SAMD5: variants seen among roughly 807,000 people sequenced by gnomAD.
SAMD5 encodes the protein sterile alpha motif domain-containing protein 5.
A neutral mutation model predicts 11.3 loss-of-function variants in SAMD5; 13 were observed. The observed-to-expected ratio is 1.15, with a 90% confidence interval of 0.75 to 1.83. SAMD5 has a LOEUF of 1.83. SAMD5 is among the 40% of genes most tolerant of loss of function. The pLI is 0.00. For synonymous variants in SAMD5, 129 were observed against 111.3 expected (o/e 1.16, Z -1.00); for missense variants, 255 against 239.1 (o/e 1.07, Z -0.44).
downstream of SAMD5, among the ~76,000 whole-genome samples, chr6:147,571,982 C>CTTT (rs143834984): frequency 7.8e-6 from 1 of 128,396 alleles, no homozygotes; most frequent in Non-Finnish European, 1.6e-5. Context: ...GTAATTTCAA[C>CTTT]TTTTTTTTTT....
At chr6:147,936,525 G>A in the SAMD5 span, among the ~76,000 whole-genome samples, 1 of 152,030 alleles carries the variant, frequency 6.6e-6, no homozygotes, top group African/African-American at 2.4e-5. Context: ...ACAGCACCAA[G>A]GGGATAGTGC....
At chr6:147,877,901 A>G in the SAMD5 span, among the ~76,000 whole-genome samples, 1 of 88,316 alleles carries the variant, frequency 1.1e-5, no homozygotes, top group Non-Finnish European at 2.4e-5. Flanking sequence ...ATAGCTAGAT[A>G]GATAGATAGC....
the SAMD5 span, among the ~76,000 whole-genome samples, chr6:147,753,954 T>TGGAC: frequency 2.0e-5 from 3 of 152,224 alleles, no homozygotes; most frequent in South Asian, 6.2e-4. Flanking sequence ...CATCTGCTGA[T>TGGAC]GGACACTCAG....
At chr6:147,527,159 G>A (rs936397367) in intron 1 of SAMD5, among the ~76,000 whole-genome samples, 6 of 152,264 alleles carry the variant, frequency 3.9e-5, no homozygotes, top group Non-Finnish European at 5.9e-5. Context: ...ACATAACTCA[G>A]TGTACTAGTC....
At chr6:147,886,790 G>A in the SAMD5 span, among the ~76,000 whole-genome samples, 12 of 152,304 alleles carry the variant, frequency 7.9e-5, no homozygotes, top group South Asian at 2.5e-3. Flanking sequence ...CACATGACAG[G>A]AAGCTGTGAA....
the SAMD5 span, among the ~76,000 whole-genome samples, chr6:147,803,381 C>G: frequency 6.6e-6 from 1 of 152,142 alleles, no homozygotes; most frequent in Admixed American, 6.6e-5. Flanking sequence ...TCGTCTCTCA[C>G]CTGGACATCA....
chr6:147,772,843 A>G, the SAMD5 span, among the ~76,000 whole-genome samples: 102 of 152,316 alleles, frequency 6.7e-4, 1 homozygote, highest in African/African-American at 2.3e-3. Context: ...GCTTCAACAT[A>G]TGAGTTTGGG....
chr6:147,561,687 A>G (rs1275710847), intron 1 of SAMD5, among the ~76,000 whole-genome samples: 2 of 152,158 alleles, frequency 1.3e-5, no homozygotes, highest in Admixed American at 6.5e-5. Flanking sequence ...AATGTGTGAT[A>G]CGTATGGGGA....
At chr6:147,805,044 A>G in the SAMD5 span, among the ~76,000 whole-genome samples, 2 of 152,272 alleles carry the variant, frequency 1.3e-5, no homozygotes, top group South Asian at 2.1e-4. Flanking sequence ...GAACTGAAAC[A>G]TAGACCTTAG....
chr6:147,511,558 CT>C (rs1358612480), intron 1 of SAMD5, among the ~76,000 whole-genome samples: 1 of 151,820 alleles, frequency 6.6e-6, no homozygotes, highest in African/African-American at 2.4e-5. Flanking sequence ...TCTCCTCAAA[CT>C]GATGGAAGAA....
chr6:147,551,801 TTATATATATGTTATATATATATATATA>T (rs1426228161), intron 1 of SAMD5, among the ~76,000 whole-genome samples: 6 of 128,388 alleles, frequency 4.7e-5, no homozygotes, highest in African/African-American at 1.5e-4. Context: ...AATGTGATTC[TTATATATATGTTATATATATATATATA>T]TATATATATG....
intron 1 of SAMD5, among the ~76,000 whole-genome samples, chr6:147,705,061 T>C (rs987415138): frequency 6.6e-6 from 1 of 152,090 alleles, no homozygotes; most frequent in African/African-American, 2.4e-5. Flanking sequence ...ATGTTAGAAT[T>C]CTCCCCACTA....
At chr6:147,905,062 AT>A in the SAMD5 span, among the ~76,000 whole-genome samples, 1 of 151,604 alleles carries the variant, frequency 6.6e-6, no homozygotes, top group Non-Finnish European at 1.5e-5. Context: ...CTAATTTTTT[AT>A]TTTTAGTCGA....
At chr6:147,893,767 A>G in the SAMD5 span, among the ~76,000 whole-genome samples, 4 of 152,272 alleles carry the variant, frequency 2.6e-5, no homozygotes, top group East Asian at 5.8e-4. Flanking sequence ...GTCATCTAAA[A>G]TTTCTCTTTA....
chr6:147,716,184 C>A (rs1467407542), intron 1 of SAMD5, among the ~76,000 whole-genome samples: 1 of 152,202 alleles, frequency 6.6e-6, no homozygotes. Flanking sequence ...TTAGCACCAC[C>A]TCGGCCTCCT....
the SAMD5 span, among the ~76,000 whole-genome samples, chr6:147,744,240 T>G: frequency 7.0e-3 from 1,061 of 152,316 alleles, 15 homozygotes; most frequent in African/African-American, 0.024. Flanking sequence ...GTCTTAGACA[T>G]CACATCTGTA....
chr6:147,613,643 G>A (rs555252268), intron 1 of SAMD5, among the ~76,000 whole-genome samples: 78 of 151,932 alleles, frequency 5.1e-4, no homozygotes, highest in Non-Finnish European at 8.2e-4. Context: ...ACAAGAACAG[G>A]AATAAATGGA....
intron 1 of SAMD5, among the ~76,000 whole-genome samples, chr6:147,662,808 C>T (rs1790666076): frequency 6.6e-6 from 1 of 152,332 alleles, no homozygotes; most frequent in African/African-American, 2.4e-5. Flanking sequence ...GTCCCCTCTA[C>T]ACCATGTGCA....
At chr6:147,720,721 C>A (rs896198135) in intron 1 of SAMD5, among the ~76,000 whole-genome samples, 4 of 151,716 alleles carry the variant, frequency 2.6e-5, no homozygotes, top group East Asian at 3.9e-4. Context: ...ATTATACTTT[C>A]AGTTTTAGGG....
Sources: gnomAD v4.1 joint callset for allele counts (sites outside exome capture counted in the v4.1 genomes callset) on GRCh38, gnomAD v4.1.1 for gene constraint, MANE v1.5 for transcripts, NCBI Gene and HGNC (gene_info 2026-07-23, HGNC 2026-07-21) for gene names.